The following ACAN variants were observed in gnomAD, a reference collection of about 807,000 sequenced individuals.
The protein encoded by ACAN is aggrecan, also known as aggrecan core protein.
Under a neutral mutation model 169.1 loss-of-function variants are expected in ACAN, and 47 were observed. The ratio of observed to expected loss-of-function variants is 0.28; its 90% confidence interval spans 0.22 to 0.35. ACAN has a LOEUF of 0.35. ACAN is among the 10% of genes least tolerant of loss of function. The probability of loss-of-function intolerance (pLI) is 1.00; values close to 1 mark genes in which losing one functional copy is unlikely to be tolerated. For synonymous variants in ACAN, 1,115 were observed against 1,112.2 expected, an observed-to-expected ratio of 1.00 and a Z score of -0.05; for missense variants, 2,716 against 2,759.9, an observed-to-expected ratio of 0.98 and a Z score of 0.36.
intron 1 of ACAN, among the ~76,000 whole-genome samples, chr15:88,826,908 T>C (rs1896238063): frequency 6.6e-6 from 1 of 152,184 alleles, no homozygotes; most frequent in Non-Finnish European, 1.5e-5. Context: ...AACCATAGCA[T>C]TGTAGCCACA....
rs1307910506 is a variant in ACAN at position 88,814,761 on chromosome 15, T to C, written c.-8+10952T>C. On this transcript the variant is annotated intron_variant, in intron 1 of 18. Coordinates refer to ENST00000560601, the MANE Select transcript of ACAN (RefSeq NM_001369268.1). This position sits in a 1 kb window ranked among gnomAD's most constrained non-coding sequence, Gnocchi z 4.0. Reference sequence around the variant, plus strand: ...CTACAAAGGCTGGATCAACAAGAACTCCTCTTCAGGTGTCATAGCTGCTAG... The same window carrying C: ...CTACAAAGGCTGGATCAACAAGAACCCCTCTTCAGGTGTCATAGCTGCTAG... Among the ~76,000 whole-genome samples, 1 of 152,152 alleles carries C rather than the reference T, an allele frequency of 6.6e-6. No homozygotes were observed. The highest frequency in any genetic ancestry group is 2.4e-5 in the African/African-American group (1 of 41,432).
At chr15:88,821,435 C>T (rs1896073349) in intron 1 of ACAN, among the ~76,000 whole-genome samples, 1 of 152,300 alleles carries the variant, frequency 6.6e-6, no homozygotes, top group Non-Finnish European at 1.5e-5. Flanking sequence ...GCTTTGGCCT[C>T]CCAATATTGT....
Position 88,849,171 on chromosome 15 carries a change from A to G in ACAN, c.1733-267A>G, listed in dbSNP as rs12904298. 0.74 allele frequency among the ~76,000 whole-genome samples: 112,496 copies of G among 152,180 alleles called. 41,955 individuals carry two copies. Among genetic ancestry groups the G allele is most frequent in the Middle Eastern group, 0.78 (229 of 294 alleles). ...GGAGAAGTTGTTGTGGAAACAACTC[A>G]GCCCAGTTTTACGGGAATTTTGCCT... On this transcript the variant is annotated intron_variant, in intron 9 of 18. Transcript: ENST00000560601. The surrounding 1 kb of genome is among the most constrained non-coding windows in gnomAD (Gnocchi z 5.1).
chr15:88,804,073 A>C (rs1398493517), intron 1 of ACAN, among the ~76,000 whole-genome samples: 1 of 152,218 alleles, frequency 6.6e-6, no homozygotes, highest in Admixed American at 6.5e-5. Context: ...GGATGAAGGA[A>C]CAAGGGAGCC....
chr15:88,851,871 G>T lies in ACAN; in HGVS notation c.2104G>T (p.Val702Leu). Reference sequence around the variant, plus strand: ...ACCCTCTGGTGTGGAGGAGTGGATCGTGACCCAAGTGGTTCCTGGTGTGGC... The same window carrying T: ...ACCCTCTGGTGTGGAGGAGTGGATCTTGACCCAAGTGGTTCCTGGTGTGGC... ...TSPSGVEEWI[V>L]TQVVPGVAAV... is the part of the protein sequence containing the mutation. The change falls in exon 11 of 19, where the codon GTG becomes TTG. Residue 702 changes from valine (V) to leucine (L), a missense_variant. By Grantham distance (32) the Val-to-Leu change is conservative. Around this residue, in one of 3 missense-constraint regions of ACAN, gnomAD observed 1,283 missense variants for 1,281.5 expected, o/e 1.00. Transcript: ENST00000560601. The surrounding 1 kb of genome is among the most constrained non-coding windows in gnomAD (Gnocchi z 4.3). 1 of 1,612,278 alleles carries T rather than the reference G, an allele frequency of 6.2e-7. No individual in the cohort carries two copies. Among genetic ancestry groups the T allele is most frequent in the Non-Finnish European group, 8.5e-7 (1 of 1,179,222 alleles).
intron 1 of ACAN, among the ~76,000 whole-genome samples, chr15:88,835,592 T>A (rs1896482254): frequency 6.6e-6 from 1 of 152,170 alleles, no homozygotes; most frequent in South Asian, 2.1e-4. Flanking sequence ...ATTGGAGTAG[T>A]TTCAGTTTGA....
chr15:88,851,802 G>A lies in ACAN; in HGVS notation c.2035G>A (p.Ala679Thr), dbSNP rs1263282660. 1 of 1,593,140 alleles carries A rather than the reference G, an allele frequency of 6.3e-7. No homozygotes were observed. The highest frequency in any genetic ancestry group is 2.3e-5 in the East Asian group (1 of 43,982). Residue 679 changes from alanine (A) to threonine (T), a missense_variant, in exon 11 of 19, where the codon GCG becomes ACG. By Grantham distance (58) the Ala-to-Thr change is moderately conservative. This residue lies in a region of ACAN where 1,283 missense variants were observed against 1,281.5 expected (regional missense o/e 1.00). Coordinates refer to ENST00000560601, the MANE Select transcript of ACAN (RefSeq NM_001369268.1). This position sits in a 1 kb window ranked among gnomAD's most constrained non-coding sequence, Gnocchi z 4.3. ...HHAFCFRGISAVPSPGEEEGG... is the reference protein window; with the variant it reads ...HHAFCFRGISTVPSPGEEEGG... ...ACCCACATCTCCTTTAGGCATTTCA[G>A]CGGTTCCTTCTCCAGGAGAAGAAGA... is the stretch of plus-strand genomic sequence containing the variant.
At position 88,839,813 on chromosome 15, in the gene ACAN, T is replaced by C. The variant is rs3784759; in HGVS notation, c.455-199T>C. Among the ~76,000 whole-genome samples the C allele has an allele frequency of 0.14, 21,984 of 152,220 alleles. 1,727 individuals carry two copies. Among genetic ancestry groups the C allele is most frequent in the South Asian group, 0.27 (1,296 of 4,824 alleles). On this transcript the variant is annotated intron_variant, in intron 3 of 18. Coordinates refer to ENST00000560601, the MANE Select transcript of ACAN (RefSeq NM_001369268.1). The surrounding 1 kb of genome is among the most constrained non-coding windows in gnomAD (Gnocchi z 4.5). ...CTTTAAAAAGGAATGCCTTATAAAG[T>C]AGTGAGCTCCCCATTACAGGGTGTT...
rs116414058 is a variant in ACAN at position 88,871,953 on chromosome 15, C to T, written c.7220-50C>T. 657 of 1,516,480 alleles carry T rather than the reference C, an allele frequency of 4.3e-4. 3 individuals are homozygous for T. The African/African-American group carries it at 8.2e-3, about 19-fold the overall frequency. The allele number at this position is 1,516,480 out of a possible 1,614,324, so 93.9% of individuals were successfully genotyped here. A position where few individuals can be genotyped will look rare whatever the true frequency, so the allele number is the denominator to read the frequency against. On this transcript the variant is annotated intron_variant, in intron 15 of 18. Transcript: ENST00000560601. The surrounding 1 kb of genome is among the most constrained non-coding windows in gnomAD (Gnocchi z 7.8). ...CCTCCGTGAGCTCAAGTTTCTCAGA[C>T]ACCCTCAGGGTGTCCAGTGTGATGC...
At chr15:88,844,159 G>A (rs934053817) in intron 6 of ACAN, among the ~76,000 whole-genome samples, 1 of 152,064 alleles carries the variant, frequency 6.6e-6, no homozygotes, top group Non-Finnish European at 1.5e-5. Flanking sequence ...CTTTGAGACA[G>A]GGTCTCACTC....
chr15:88,810,123 A>G (rs1895783302), intron 1 of ACAN, among the ~76,000 whole-genome samples: 1 of 152,024 alleles, frequency 6.6e-6, no homozygotes, highest in Admixed American at 6.6e-5. Context: ...GGACACTTGG[A>G]TGGGGGTTCA....
intron 11 of ACAN, among the ~76,000 whole-genome samples, chr15:88,854,319 T>C (rs1896998982): frequency 6.6e-6 from 1 of 152,192 alleles, no homozygotes; most frequent in Non-Finnish European, 1.5e-5. Flanking sequence ...TCAGTGGGGC[T>C]GGGGTGAGGT....
chr15:88,843,585 G>T lies in ACAN; in HGVS notation c.988G>T (p.Val330Leu), dbSNP rs766293702. The change falls in exon 6 of 19, where the codon GTG becomes TTG. Residue 330 changes from valine to leucine, a missense_variant. By Grantham distance (32) the Val-to-Leu change is conservative. This residue lies in a region of ACAN where 1,283 missense variants were observed against 1,281.5 expected (regional missense o/e 1.00). Transcript: ENST00000560601. This position sits in a 1 kb window ranked among gnomAD's most constrained non-coding sequence, Gnocchi z 4.0. ...CCTCCTGGGCGTGAGGACCGTCTAC[G>T]TGCATGCCAACCAGACGGGCTACCC... ...GNLLGVRTVY[V>L]HANQTGYPDP... The T allele has an allele frequency of 1.2e-6, 2 of 1,607,548 alleles. No homozygotes were observed. The highest frequency in any genetic ancestry group is 1.7e-5 in the Admixed American group (1 of 59,896).
chr15:88,875,258 C>T lies in ACAN; in HGVS notation c.*777C>T, dbSNP rs1334242801. The T allele has an allele frequency of 1.3e-5, 2 of 151,932 alleles. No homozygotes were observed. Among genetic ancestry groups the T allele is most frequent in the African/African-American group, 4.8e-5 (2 of 41,238 alleles). 9.4% of individuals were successfully genotyped at this position (151,932 alleles called of 1,614,324 possible). On this transcript the variant is annotated 3_prime_UTR_variant, in exon 19 of 19. Transcript: ENST00000560601. The surrounding 1 kb of genome is among the most constrained non-coding windows in gnomAD (Gnocchi z 4.8). Reference sequence around the variant, plus strand: ...CTTCTCCCCTCCCCACCCCCGCCCCCGGGACCGTGCAGGCACCAGGGTTCC... The same window carrying T: ...CTTCTCCCCTCCCCACCCCCGCCCCTGGGACCGTGCAGGCACCAGGGTTCC...
intron 1 of ACAN, among the ~76,000 whole-genome samples, chr15:88,831,072 C>T (rs943388121): frequency 6.6e-6 from 1 of 152,230 alleles, no homozygotes; most frequent in African/African-American, 2.4e-5. Context: ...AGAAGTCTCA[C>T]CTCGTTGATA....
rs903117319 is a variant in ACAN at position 88,841,982 on chromosome 15, C to T, written c.757+115C>T. On this transcript the variant is annotated intron_variant, in intron 5 of 18. Coordinates refer to ENST00000560601, the MANE Select transcript of ACAN (RefSeq NM_001369268.1). The stretch of plus-strand genomic sequence containing the variant: ...CAGGCTGCCAGCTCAGGGCCTGACA[C>T]ACTCTGTCCTCCTCTGCCATGAAGG... 58 of 1,380,732 alleles carry T rather than the reference C, an allele frequency of 4.2e-5. No homozygotes were observed. In the African/African-American group the frequency reaches 7.8e-4, roughly 19 times the overall value. The allele number at this position is 1,380,732 out of a possible 1,614,324, so 85.5% of individuals were successfully genotyped here.
At position 88,849,338 on chromosome 15, in the gene ACAN, C is replaced by A; in HGVS notation, c.1733-100C>A. On this transcript the variant is annotated intron_variant, in intron 9 of 18. Transcript: ENST00000560601. This position sits in a 1 kb window ranked among gnomAD's most constrained non-coding sequence, Gnocchi z 5.1. ...TGATGGAGCTGGGCTGGGTCTTAGC[C>A]CTGGTGAGGAGGGTTAGAGGAACTC... 2 of 1,234,504 alleles carry A rather than the reference C, an allele frequency of 1.6e-6. No homozygotes were observed. The highest frequency in any genetic ancestry group is 1.6e-5 in the South Asian group (1 of 62,602). The allele number at this position is 1,234,504 out of a possible 1,614,324, so 76.5% of individuals were successfully genotyped here.
At chr15:88,811,246 A>C (rs1210341834) in intron 1 of ACAN, among the ~76,000 whole-genome samples, 2 of 152,206 alleles carry the variant, frequency 1.3e-5, no homozygotes, top group African/African-American at 4.8e-5. Flanking sequence ...TGGACCTTGG[A>C]AATCACCAAG....
At chr15:88,853,787 T>A (rs1896986592) in intron 11 of ACAN, among the ~76,000 whole-genome samples, 1 of 151,630 alleles carries the variant, frequency 6.6e-6, no homozygotes, top group Admixed American at 6.6e-5. Context: ...CATACATACG[T>A]ACATACATAC....
Sources: allele counts gnomAD v4.1 joint callset (sites outside exome capture counted in the v4.1 genomes callset), GRCh38; gene constraint gnomAD v4.1.1; regional missense constraint gnomAD v4.1.1; non-coding constraint Gnocchi (gnomAD v3.1); transcripts MANE v1.5; gene names NCBI Gene and HGNC (gene_info 2026-07-23, HGNC 2026-07-21).